Variants in CSMD1 observed in about 807,000 individuals in gnomAD.
The protein encoded by CSMD1 is CUB and Sushi multiple domains 1.
In CSMD1, 213 loss-of-function variants were observed where a neutral mutation model predicts 417.5. The observed-to-expected ratio is 0.51, with a 90% CI of 0.46 to 0.57. The LOEUF is 0.57. Ranked by LOEUF, CSMD1 falls within the 20% of genes least tolerant of loss-of-function variation. The pLI is 0.00. For missense variants in CSMD1, 6,923 were observed against 4,529.7 expected, an observed-to-expected ratio of 1.53 and a Z score of -15.17; for synonymous variants, 2,862 against 1,736.8, an observed-to-expected ratio of 1.65 and a Z score of -16.11.
intron 4 of CSMD1, among the ~76,000 whole-genome samples, chr8:4,006,201 G>C (rs1816096075): frequency 1.3e-5 from 2 of 152,138 alleles, no homozygotes; most frequent in Non-Finnish European, 2.9e-5. Flanking sequence ...TGCAGTTGCT[G>C]AGAATTCCGG....
At chr8:3,920,680 C>G (rs911733270) in intron 5 of CSMD1, among the ~76,000 whole-genome samples, 36 of 152,114 alleles carry the variant, frequency 2.4e-4, no homozygotes, top group African/African-American at 8.2e-4. Context: ...GAGCTTTTAT[C>G]AGGAAAATAG....
At chr8:4,043,598 G>C (rs536378512) in intron 3 of CSMD1, among the ~76,000 whole-genome samples, 1 of 152,208 alleles carries the variant, frequency 6.6e-6, no homozygotes, top group African/African-American at 2.4e-5. Flanking sequence ...AATCAATGTA[G>C]AATAGCCAAA....
chr8:3,296,425 G>T (rs1384514979), intron 25 of CSMD1, among the ~76,000 whole-genome samples: 1 of 152,158 alleles, frequency 6.6e-6, no homozygotes, highest in Non-Finnish European at 1.5e-5. Flanking sequence ...TGGTGGGAGA[G>T]AGGTGCCTAC....
intron 5 of CSMD1, among the ~76,000 whole-genome samples, chr8:3,938,452 G>A (rs1810651077): frequency 6.6e-6 from 1 of 152,176 alleles, no homozygotes; most frequent in Non-Finnish European, 1.5e-5. Flanking sequence ...TTGTGCAGTG[G>A]ATCTGTGGTG....
At chr8:3,967,723 G>A (rs1383407658) in intron 5 of CSMD1, among the ~76,000 whole-genome samples, 1 of 152,136 alleles carries the variant, frequency 6.6e-6, no homozygotes, top group Non-Finnish European at 1.5e-5. Flanking sequence ...GGCAAGAGAT[G>A]AGTCCAACAA....
chr8:3,029,818 T>C (rs1186959514), intron 50 of CSMD1, among the ~76,000 whole-genome samples: 1 of 152,048 alleles, frequency 6.6e-6, no homozygotes, highest in African/African-American at 2.4e-5. Context: ...AAAATTTTCA[T>C]GAGGGTAATG....
At chr8:4,104,955 C>A (rs1801493303) in intron 3 of CSMD1, among the ~76,000 whole-genome samples, 1 of 152,000 alleles carries the variant, frequency 6.6e-6, no homozygotes, top group Non-Finnish European at 1.5e-5. Context: ...TTGCTCACAG[C>A]CACTGCCAAT....
intron 8 of CSMD1, among the ~76,000 whole-genome samples, chr8:3,599,363 C>T (rs984155357): frequency 6.6e-6 from 1 of 152,094 alleles, no homozygotes; most frequent in Non-Finnish European, 1.5e-5. Context: ...GCATTATTAA[C>T]CCCAACTCAG....
intron 7 of CSMD1, among the ~76,000 whole-genome samples, chr8:3,683,857 T>C (rs191675083): frequency 1.3e-5 from 2 of 152,188 alleles, no homozygotes; most frequent in African/African-American, 4.8e-5. Context: ...TATTCATGAA[T>C]GTTAAGCTCG....
At chr8:4,333,864 G>A (rs1431151062) in intron 3 of CSMD1, among the ~76,000 whole-genome samples, 7 of 151,878 alleles carry the variant, frequency 4.6e-5, no homozygotes, top group Admixed American at 1.3e-4. Flanking sequence ...TTTAACATGG[G>A]GATTCTAATA....
At chr8:3,458,919 G>A (rs781634708) in intron 12 of CSMD1, among the ~76,000 whole-genome samples, 4 of 152,192 alleles carry the variant, frequency 2.6e-5, no homozygotes, top group Admixed American at 6.5e-5. Context: ...GGTAGCCACA[G>A]GGAAACATTG....
At chr8:3,972,586 T>TA (rs1233036293) in intron 5 of CSMD1, among the ~76,000 whole-genome samples, 1 of 152,224 alleles carries the variant, frequency 6.6e-6, no homozygotes, top group East Asian at 1.9e-4. Flanking sequence ...TTCATCTTTA[T>TA]AAAACGGCCT....
chr8:3,639,713 T>C (rs1797213382), intron 7 of CSMD1, among the ~76,000 whole-genome samples: 1 of 152,250 alleles, frequency 6.6e-6, no homozygotes, highest in African/African-American at 2.4e-5. Flanking sequence ...TCAACATCTT[T>C]GATTTCTCAA....
chr8:4,027,552 G>A (rs1322387324), intron 4 of CSMD1, among the ~76,000 whole-genome samples: 3 of 152,022 alleles, frequency 2.0e-5, no homozygotes, highest in African/African-American at 2.4e-5. Flanking sequence ...CTGTGAAAAC[G>A]TGCCTTCCAT....
intron 11 of CSMD1, among the ~76,000 whole-genome samples, chr8:3,471,307 T>C (rs1302894056): frequency 6.6e-6 from 1 of 152,168 alleles, no homozygotes; most frequent in Admixed American, 6.5e-5. Flanking sequence ...TTTCCTCCTT[T>C]TAAATACTGA....
intron 3 of CSMD1, among the ~76,000 whole-genome samples, chr8:4,261,662 G>A (rs376469124): frequency 3.3e-5 from 5 of 151,938 alleles, no homozygotes; most frequent in Non-Finnish European, 7.4e-5. Flanking sequence ...CTGCCACCTC[G>A]GCCTCCCAAA....
intron 8 of CSMD1, among the ~76,000 whole-genome samples, chr8:3,601,883 T>G (rs558084303): frequency 4.6e-5 from 7 of 152,264 alleles, no homozygotes; most frequent in Admixed American, 4.6e-4. Flanking sequence ...AGAGAGTTAG[T>G]GTTCACAGAT....
At chr8:4,058,641 C>T (rs1415617452) in intron 3 of CSMD1, among the ~76,000 whole-genome samples, 1 of 149,322 alleles carries the variant, frequency 6.7e-6, no homozygotes, top group Non-Finnish European at 1.5e-5. Context: ...GGGTTGCAAT[C>T]CTAGTCTCTG....
At chr8:4,792,647 G>C (rs567934550) in intron 1 of CSMD1, among the ~76,000 whole-genome samples, 60 of 152,060 alleles carry the variant, frequency 3.9e-4, no homozygotes, top group Non-Finnish European at 6.2e-4. Flanking sequence ...CTAATCTTTT[G>C]TAATTATATG....
Sources: allele counts gnomAD v4.1 joint callset (sites outside exome capture counted in the v4.1 genomes callset), GRCh38; gene constraint gnomAD v4.1.1; transcripts MANE v1.5; gene names NCBI Gene and HGNC (gene_info 2026-07-23, HGNC 2026-07-21).